Variants in PPP4R3B observed in about 807,000 individuals in gnomAD.
PPP4R3B encodes the protein serine/threonine-protein phosphatase 4 regulatory subunit 3B.
Under a neutral mutation model 95.4 loss-of-function variants are expected in PPP4R3B, and 52 were observed. The ratio of observed to expected loss-of-function variants is 0.54; its 90% confidence interval spans 0.44 to 0.69. The LOEUF is 0.69. Among genes scored for constraint, PPP4R3B ranks in the 30% least tolerant of loss-of-function variants. The pLI, the probability that PPP4R3B is intolerant of heterozygous loss-of-function variation, is 0.00. For synonymous variants in PPP4R3B, 407 were observed against 343.9 expected (o/e 1.18, Z -2.03); for missense variants, 1,003 against 1,005.9 (o/e 1.00, Z 0.04).
Position 55,603,559 on chromosome 2 carries a change from T to C in PPP4R3B, c.297+419A>G, listed in dbSNP as rs75385311. 5.5e-4 allele frequency among the ~76,000 whole-genome samples: 84 copies of C among 152,352 alleles called. 1 individual carries two copies. In the East Asian group the frequency reaches 0.016, roughly 28 times the overall value. On this transcript the variant is annotated intron_variant, in intron 3 of 16. Transcript: ENST00000616407. The stretch of plus-strand genomic sequence containing the variant: ...ACATATTCTATATATCCTGCTACAC[T>C]CTAAGTTCCACATAAACTGAAGTCA...
rs1688805055 is a variant in PPP4R3B at position 55,577,240 on chromosome 2, T to C, written c.1606+75A>G. Reference sequence around the variant, plus strand: ...CCAAAATATGCTTTTCTTAGCCTTATATAAGTGCATTACACTTAGAGTAGA... The same window carrying C: ...CCAAAATATGCTTTTCTTAGCCTTACATAAGTGCATTACACTTAGAGTAGA... On this transcript the variant is annotated intron_variant, in intron 11 of 16. Transcript: ENST00000616407. The C allele has an allele frequency of 2.0e-6, 3 of 1,471,348 alleles. No individual in the cohort carries two copies. In the South Asian group the frequency reaches 4.4e-5, roughly 21 times the overall value. 91.1% of individuals were successfully genotyped at this position (1,471,348 alleles called of 1,614,324 possible). A position where few individuals can be genotyped will look rare whatever the true frequency, so the allele number is the denominator to read the frequency against.
At chr2:55,571,652 G>A (rs143400441) in intron 12 of PPP4R3B, among the ~76,000 whole-genome samples, 1 of 152,272 alleles carries the variant, frequency 6.6e-6, no homozygotes, top group East Asian at 1.9e-4. Context: ...TTGAGACAGA[G>A]TCTTGCTCTG....
chr2:55,617,254 T>C lies in PPP4R3B; in HGVS notation c.32A>G (p.Tyr11Cys), dbSNP rs1174883624. MSDTRRRVKVYTLNEDRQWDD... is the reference protein window; with the variant it reads MSDTRRRVKVCTLNEDRQWDD... ...CCATTGCCGGTCTTCGTTCAGGGTATAGACCTTCACTCGCCGCCGCGTATC... is the reference window on the plus strand; with the variant it reads ...CCATTGCCGGTCTTCGTTCAGGGTACAGACCTTCACTCGCCGCCGCGTATC... Residue 11 changes from tyrosine to cysteine, a missense_variant, in exon 1 of 17, where the codon TAT (tyrosine) becomes TGT (cysteine). Around this residue, in one of 3 missense-constraint regions of PPP4R3B, gnomAD observed 695 missense variants for 686.2 expected, o/e 1.01. Transcript: ENST00000616407. 6 of 1,608,908 alleles carry C rather than the reference T, an allele frequency of 3.7e-6. No individual in the cohort carries two copies. Among genetic ancestry groups the C allele is most frequent in the East Asian group, 2.2e-5 (1 of 44,716 alleles).
At chr2:55,570,371 T>C (rs58003472) in intron 12 of PPP4R3B, among the ~76,000 whole-genome samples, 67,887 of 152,088 alleles carry the variant, frequency 0.45, 16,016 homozygotes, top group Non-Finnish European at 0.52. Context: ...GATCAGAATG[T>C]ATTTGTTAAA....
At chr2:55,615,857 C>CAAAAAAAAAAAAAAAAAAAAAAAAAA (rs58981030) in intron 1 of PPP4R3B, among the ~76,000 whole-genome samples, 5 of 39,064 alleles carry the variant, frequency 1.3e-4, no homozygotes, top group African/African-American at 9.0e-4. Context: ...ACTCTGTCTC[C>CAAAAAAAAAAAAAAAAAAAAAAAAAA]AAAAAAAAAA....
In PPP4R3B at chr2:55,588,891, T is replaced by C; in HGVS notation, c.987A>G (p.Lys329=). Residue 329 remains lysine (K), a synonymous_variant, in exon 5 of 17, where the codon AAA becomes AAG. Transcript: ENST00000616407. The stretch of plus-strand genomic sequence containing the variant: ...TTTCATAACTTACCAATTCACGCCG[T>C]TTATCATCATCTGTAGCCTCATCTG... ...QLTDEATDDD[K]RRELVNFFKE... is the part of the protein sequence containing the mutation. The C allele has an allele frequency of 1.2e-6, 2 of 1,607,904 alleles. No individual in the cohort carries two copies. The highest frequency in any genetic ancestry group is 2.2e-5 in the East Asian group (1 of 44,734).
At chr2:55,586,403 G>GT (rs910515772) in intron 6 of PPP4R3B, among the ~76,000 whole-genome samples, 14 of 151,996 alleles carry the variant, frequency 9.2e-5, no homozygotes, top group African/African-American at 2.7e-4. Flanking sequence ...AAAACGTGGG[G>GT]TTTTTTTATT....
intron 1 of PPP4R3B, among the ~76,000 whole-genome samples, chr2:55,615,857 C>CAAAAAAAAAAAAAAAAAAAAAA (rs58981030): frequency 1.5e-4 from 6 of 39,064 alleles, no homozygotes; most frequent in African/African-American, 9.0e-4. Context: ...ACTCTGTCTC[C>CAAAAAAAAAAAAAAAAAAAAAA]AAAAAAAAAA....
At chr2:55,551,299 C>T (rs1393975047) in intron 16 of PPP4R3B, among the ~76,000 whole-genome samples, 1 of 152,028 alleles carries the variant, frequency 6.6e-6, no homozygotes, top group Non-Finnish European at 1.5e-5. Context: ...GATTGCACCA[C>T]TGCACTCTAG....
intron 2 of PPP4R3B, among the ~76,000 whole-genome samples, chr2:55,605,012 G>A (rs758056655): frequency 3.3e-5 from 5 of 151,792 alleles, no homozygotes; most frequent in Admixed American, 6.6e-5. Context: ...CTAATTTTTC[G>A]TAGAGACAGG....
intron 2 of PPP4R3B, 62 bp from the exon 3 acceptor site, chr2:55,604,138 A>T (rs1572713502): frequency 3.8e-6 from 5 of 1,319,832 alleles, no homozygotes; most frequent in Non-Finnish European, 3.1e-6. Flanking sequence ...CAAAGTACAA[A>T]TAGAAATCAA....
chr2:55,586,757 G>C, intron 5 of PPP4R3B, 23 bp from the exon 6 acceptor site: 2 of 1,414,984 alleles, frequency 1.4e-6, no homozygotes, highest in Non-Finnish European at 2.0e-6. Flanking sequence ...AAATTTTAGT[G>C]AGACATTGAT....
At chr2:55,587,667 T>A (rs1374669751) in intron 5 of PPP4R3B, among the ~76,000 whole-genome samples, 2 of 152,174 alleles carry the variant, frequency 1.3e-5, no homozygotes, top group African/African-American at 4.8e-5. Flanking sequence ...AGTGCAAAAA[T>A]GCCAGGTAAT....
rs1046956142 is a variant in PPP4R3B at position 55,548,758 on chromosome 2, T to A, written c.*1153A>T. On this transcript the variant is annotated 3_prime_UTR_variant, in exon 17 of 17. Transcript: ENST00000616407. Reference sequence around the variant, plus strand: ...CTCACTTCGGCATGATCTCAGATCATAGATGAGCAAACTAACATTAAAATA... The same window carrying A: ...CTCACTTCGGCATGATCTCAGATCAAAGATGAGCAAACTAACATTAAAATA... 1 of 152,646 alleles carries A rather than the reference T, an allele frequency of 6.6e-6. No individual in the cohort carries two copies. The highest frequency in any genetic ancestry group is 1.5e-5 in the Non-Finnish European group (1 of 68,044). 9.5% of individuals were successfully genotyped at this position (152,646 alleles called of 1,614,324 possible).
intron 15 of PPP4R3B, among the ~76,000 whole-genome samples, chr2:55,561,974 G>T (rs1468947061): frequency 6.6e-6 from 1 of 152,208 alleles, no homozygotes; most frequent in Non-Finnish European, 1.5e-5. Flanking sequence ...AGGGACCGGG[G>T]TGGAATGATA....
intron 6 of PPP4R3B, among the ~76,000 whole-genome samples, 186 bp from the exon 7 acceptor site, chr2:55,585,353 C>A (rs1007590851): frequency 6.6e-6 from 1 of 152,064 alleles, no homozygotes; most frequent in African/African-American, 2.4e-5. Context: ...AACTTTCAGG[C>A]AATTCAATGA....
chr2:55,600,918 G>C (rs1692500992), intron 3 of PPP4R3B, among the ~76,000 whole-genome samples: 1 of 152,102 alleles, frequency 6.6e-6, no homozygotes, highest in South Asian at 2.1e-4. Flanking sequence ...CAGCACTTTG[G>C]GACGCTGAGG....
rs1685196478 is a variant in PPP4R3B, at chr2:55,551,101, C to G, written c.2455-1095G>C. Among the ~76,000 whole-genome samples the G allele has an allele frequency of 2.0e-5, 3 of 152,156 alleles. No individual in the cohort carries two copies. The South Asian group carries it at 6.2e-4, about 32-fold the overall frequency. Reference sequence around the variant, plus strand: ...GGGGCTGGGCTTATGCCTGTAATCCCAGCACTTTGGGAGATCGAGGCGGAT... The same window carrying G: ...GGGGCTGGGCTTATGCCTGTAATCCGAGCACTTTGGGAGATCGAGGCGGAT... On this transcript the variant is annotated intron_variant, in intron 16 of 16. Coordinates refer to ENST00000616407, the MANE Select transcript of PPP4R3B (RefSeq NM_001122964.3).
rs1482735066 is a variant in PPP4R3B at position 55,617,558 on chromosome 2, C to T, written c.-273G>A. 1 of 364,620 alleles carries T rather than the reference C, an allele frequency of 2.7e-6. No individual in the cohort carries two copies. The highest frequency in any genetic ancestry group is 5.0e-6 in the Non-Finnish European group (1 of 200,004). 22.6% of individuals were successfully genotyped at this position (364,620 alleles called of 1,614,324 possible). ...TGCCCCCCAGGGCTCGCTTGCTCTC[C>T]CGCCGCCGCGGTAACTACTACAGAT... On this transcript the variant is annotated 5_prime_UTR_variant, in exon 1 of 17. Coordinates refer to ENST00000616407, the MANE Select transcript of PPP4R3B (RefSeq NM_001122964.3).
Sources: allele counts gnomAD v4.1 joint callset (sites outside exome capture counted in the v4.1 genomes callset), GRCh38; gene constraint gnomAD v4.1.1; regional missense constraint gnomAD v4.1.1; transcripts MANE v1.5; gene names NCBI Gene and HGNC (gene_info 2026-07-23, HGNC 2026-07-21).